Variants in USP53 observed in about 807,000 individuals in gnomAD.
USP53 encodes the protein ubiquitin carboxyl-terminal hydrolase 53.
In USP53, 71 loss-of-function variants were observed where a neutral mutation model predicts 94.9. The observed-to-expected ratio is 0.75, with a 90% confidence interval of 0.62 to 0.91. USP53 has a LOEUF of 0.91. Among genes scored for constraint, USP53 ranks in the 40% least tolerant of loss-of-function variants. The probability of loss-of-function intolerance (pLI) is 0.00; values close to 1 mark genes in which losing one functional copy is unlikely to be tolerated. For missense variants in USP53, 1,173 were observed against 1,281.0 expected (o/e 0.92, Z 1.29); for synonymous variants, 375 against 422.7 (o/e 0.89, Z 1.39).
In USP53 at chr4:119,212,789, G is replaced by A. The variant is rs1315739112; in HGVS notation, c.-1026G>A. The A allele has an allele frequency of 6.5e-6, 2 of 306,272 alleles. No individual in the cohort carries two copies. The highest frequency in any genetic ancestry group is 4.3e-5 in the African/African-American group (2 of 46,162). 19.0% of individuals were successfully genotyped at this position (306,272 alleles called of 1,614,324 possible). On this transcript the variant is annotated 5_prime_UTR_variant, in exon 1 of 19. Transcript: ENST00000692078. The stretch of plus-strand genomic sequence containing the variant: ...GTCGGCGTGAAGCGGGGCTGGGCCA[G>A]CGGGAGGTAGCTCTGTGGGAGTGGA...
At chr4:119,261,048 C>T (rs1175829579) in intron 11 of USP53, among the ~76,000 whole-genome samples, 2 of 149,372 alleles carry the variant, frequency 1.3e-5, no homozygotes, top group Non-Finnish European at 3.0e-5. Flanking sequence ...CAACCTCTGC[C>T]TCCCAGGCTC....
At chr4:119,251,354 A>G (rs1341145451) in intron 7 of USP53, among the ~76,000 whole-genome samples, 2 of 152,178 alleles carry the variant, frequency 1.3e-5, no homozygotes, top group African/African-American at 4.8e-5. Flanking sequence ...GAATAGTGCC[A>G]CAATAAACAT....
intron 17 of USP53, among the ~76,000 whole-genome samples, chr4:119,286,973 G>T (rs1449431226): frequency 6.6e-6 from 1 of 151,898 alleles, no homozygotes; most frequent in African/African-American, 2.4e-5. Flanking sequence ...AAATTTTACT[G>T]CTTTTTAAAA....
At position 119,278,227 on chromosome 4, in the gene USP53, A is replaced by T. The variant is rs1752923081; in HGVS notation, c.2251+4519A>T. Among the ~76,000 whole-genome samples the T allele has an allele frequency of 3.3e-5, 5 of 149,660 alleles. No individual in the cohort carries two copies. In the South Asian group the frequency reaches 1.1e-3, roughly 32 times the overall value. ...TCTTTACATTTTGGCATGATTTTGC[A>T]GCGGCTGGTACCGGTTGTTCCTTTC... is the stretch of plus-strand genomic sequence containing the variant. On this transcript the variant is annotated intron_variant, in intron 17 of 18. Coordinates refer to ENST00000692078, the MANE Select transcript of USP53 (RefSeq NM_001371395.1).
At chr4:119,231,257 C>T (rs1330612139) in intron 3 of USP53, among the ~76,000 whole-genome samples, 3 of 152,138 alleles carry the variant, frequency 2.0e-5, no homozygotes, top group Non-Finnish European at 4.4e-5. Context: ...TATGTTCCTA[C>T]TGATGGATAT....
chr4:119,272,083 T>G (rs1182323508), intron 16 of USP53, 49 bp downstream of exon 16: 3 of 1,514,036 alleles, frequency 2.0e-6, no homozygotes, highest in Admixed American at 2.4e-5. Context: ...TTCTTTTTTG[T>G]TAATTGCATG....
chr4:119,241,807 C>T (rs1176114807), intron 5 of USP53, among the ~76,000 whole-genome samples: 16 of 152,092 alleles, frequency 1.1e-4, no homozygotes, highest in Admixed American at 1.0e-3. Flanking sequence ...TCTGTCTCTT[C>T]CCTCCTTTGG....
At position 119,294,956 on chromosome 4, in the gene USP53, A is replaced by G. The variant is rs1416694579; in HGVS notation, c.*1745A>G. ...AAGTTTGTAAACCTGTATTTAAAAT[A>G]CCAAAGTTTTTCTTCTTTTATAACA... is the stretch of plus-strand genomic sequence containing the variant. On this transcript the variant is annotated 3_prime_UTR_variant, in exon 19 of 19. Coordinates refer to ENST00000692078, the MANE Select transcript of USP53 (RefSeq NM_001371395.1). 1 of 152,120 alleles carries G rather than the reference A, an allele frequency of 6.6e-6. No homozygotes were observed. Among genetic ancestry groups the G allele is most frequent in the East Asian group, 1.9e-4 (1 of 5,204 alleles). 9.4% of individuals were successfully genotyped at this position (152,120 alleles called of 1,614,324 possible).
At chr4:119,280,317 G>A (rs1753365905) in intron 17 of USP53, among the ~76,000 whole-genome samples, 2 of 151,714 alleles carry the variant, frequency 1.3e-5, no homozygotes, top group South Asian at 4.2e-4. Flanking sequence ...TTAAAACTGT[G>A]ATTTGAGACC....
chr4:119,271,869 T>G lies in USP53; in HGVS notation c.2009T>G (p.Val670Gly). ...GGAGCAGAGAAAAATAAAGGCCTTG[T>G]AGAGGGTAAAGTGCATGGTGATAAT... ...GKGAEKNKGL[V>G]EGKVHGDNWQ... Residue 670 changes from valine (V) to glycine (G), a missense_variant, in exon 16 of 19, where the codon GTA becomes GGA. Coordinates refer to ENST00000692078, the MANE Select transcript of USP53 (RefSeq NM_001371395.1). 6.2e-7 allele frequency: 1 copy of G among 1,613,918 alleles called. No individual in the cohort carries two copies. The highest frequency in any genetic ancestry group is 8.5e-7 in the Non-Finnish European group (1 of 1,179,956).
At chr4:119,267,235 T>G in intron 12 of USP53, 85 bp from the exon 13 acceptor site, 2 of 1,345,016 alleles carry the variant, frequency 1.5e-6, no homozygotes, top group South Asian at 1.6e-5. Flanking sequence ...TTTAAAAATA[T>G]AAAGTAACTC....
intron 3 of USP53, chr4:119,221,590 G>C (rs985152880): frequency 2.0e-5 from 3 of 152,208 alleles, no homozygotes; most frequent in Non-Finnish European, 4.4e-5. Context: ...AAAGACAGGA[G>C]CCCAAGAGCT....
chr4:119,261,233 T>G (rs1378946527), intron 11 of USP53, among the ~76,000 whole-genome samples: 2 of 152,178 alleles, frequency 1.3e-5, no homozygotes, highest in Admixed American at 6.5e-5. Flanking sequence ...AGTGCTGGGA[T>G]TACAGGCGTG....
chr4:119,247,916 A>AT (rs1232830948), intron 6 of USP53, among the ~76,000 whole-genome samples: 4 of 151,782 alleles, frequency 2.6e-5, no homozygotes, highest in African/African-American at 2.4e-5. Context: ...TATAAATTGT[A>AT]TTTTTTTGCT....
intron 7 of USP53, among the ~76,000 whole-genome samples, chr4:119,254,734 A>T (rs1324392645): frequency 6.6e-6 from 1 of 152,120 alleles, no homozygotes; most frequent in Non-Finnish European, 1.5e-5. Flanking sequence ...CAACTCTTCA[A>T]ACTCGTTCTC....
intron 15 of USP53, 61 bp downstream of exon 15, chr4:119,269,898 CTG>C: frequency 2.6e-6 from 3 of 1,158,346 alleles, no homozygotes; most frequent in Middle Eastern, 3.2e-4. Flanking sequence ...TATTTTAAAA[CTG>C]AATTTTATAA....
Position 119,293,436 on chromosome 4 carries a change from T to G in USP53, c.*225T>G. The G allele has an allele frequency of 2.2e-6, 1 of 447,668 alleles. No homozygotes were observed. Among genetic ancestry groups the G allele is most frequent in the Non-Finnish European group, 3.9e-6 (1 of 253,850 alleles). 27.7% of individuals were successfully genotyped at this position (447,668 alleles called of 1,614,324 possible). A position where few individuals can be genotyped will look rare whatever the true frequency, so the allele number is the denominator to read the frequency against. The stretch of plus-strand genomic sequence containing the variant: ...AAAGTTGTTAATCACTATACATATG[T>G]ATGTGTATATGTGTATACACATATA... On this transcript the variant is annotated 3_prime_UTR_variant, in exon 19 of 19. Coordinates refer to ENST00000692078, the MANE Select transcript of USP53 (RefSeq NM_001371395.1).
At chr4:119,279,455 G>T (rs1332029475) in intron 17 of USP53, among the ~76,000 whole-genome samples, 2 of 149,138 alleles carry the variant, frequency 1.3e-5, no homozygotes, top group Non-Finnish European at 3.0e-5. Context: ...GCAGTCTGCC[G>T]GTTCTCAGAT....
chr4:119,251,134 T>G (rs550403780), intron 7 of USP53, among the ~76,000 whole-genome samples: 53 of 151,006 alleles, frequency 3.5e-4, no homozygotes, highest in Admixed American at 8.6e-4. Flanking sequence ...AACTCCCACT[T>G]ATGAGTGAGA....
Sources: allele counts gnomAD v4.1 joint callset (sites outside exome capture counted in the v4.1 genomes callset), GRCh38; gene constraint gnomAD v4.1.1; transcripts MANE v1.5; gene names NCBI Gene and HGNC (gene_info 2026-07-23, HGNC 2026-07-21).